Variants in CORIN observed in about 807,000 individuals in gnomAD.
CORIN encodes atrial natriuretic peptide-converting enzyme.
In CORIN, 117 loss-of-function variants were observed where a neutral mutation model predicts 125.3. That is an observed-to-expected ratio of 0.93 (90% CI 0.80 to 1.09). The LOEUF (loss-of-function observed/expected upper bound fraction) is 1.09. Among genes scored for constraint, CORIN ranks in the 50% least tolerant of loss-of-function variants. The pLI is 0.00. For missense variants in CORIN, 1,253 were observed against 1,306.7 expected, an observed-to-expected ratio of 0.96 and a Z score of 0.63; for synonymous variants, 450 against 466.4, an observed-to-expected ratio of 0.96 and a Z score of 0.45.
chr4:47,744,135 A>G (rs1364780642), intron 5 of CORIN, among the ~76,000 whole-genome samples: 2 of 152,200 alleles, frequency 1.3e-5, no homozygotes, highest in Admixed American at 6.5e-5. Flanking sequence ...TTCCATTTAT[A>G]TGAAGTTCAG....
At chr4:47,654,011 C>T (rs1723852506) in intron 12 of CORIN, among the ~76,000 whole-genome samples, 1 of 152,204 alleles carries the variant, frequency 6.6e-6, no homozygotes, top group Non-Finnish European at 1.5e-5. Flanking sequence ...TTTCACATCC[C>T]CATCTTTCCA....
At chr4:47,786,134 A>C (rs1730792664) in intron 3 of CORIN, among the ~76,000 whole-genome samples, 1 of 152,188 alleles carries the variant, frequency 6.6e-6, no homozygotes, top group South Asian at 2.1e-4. Context: ...TACTGGGGCA[A>C]GCAGCATAAA....
chr4:47,595,680 C>A lies in CORIN; in HGVS notation c.*41G>T. On this transcript the variant is annotated 3_prime_UTR_variant, in exon 22 of 22. Transcript: ENST00000273857. Reference sequence around the variant, plus strand: ...TCTTCACAGTCAAGAAGGCCATTTTCTTTTAGTGTAGCTGGCAAAAGTCTC... The same window carrying A: ...TCTTCACAGTCAAGAAGGCCATTTTATTTTAGTGTAGCTGGCAAAAGTCTC... The A allele has an allele frequency of 1.3e-6, 2 of 1,523,082 alleles. No individual in the cohort carries two copies. Among genetic ancestry groups the A allele is most frequent in the Non-Finnish European group, 1.8e-6 (2 of 1,127,892 alleles). The allele number at this position is 1,523,082 out of a possible 1,614,324, so 94.3% of individuals were successfully genotyped here. A position where few individuals can be genotyped will look rare whatever the true frequency, so the allele number is the denominator to read the frequency against.
intron 6 of CORIN, among the ~76,000 whole-genome samples, chr4:47,686,524 T>C (rs930714093): frequency 6.6e-6 from 1 of 152,174 alleles, no homozygotes; most frequent in South Asian, 2.1e-4. Flanking sequence ...CTACAACACA[T>C]GTGACAGCTG....
chr4:47,753,911 G>A (rs1239586749), intron 4 of CORIN, among the ~76,000 whole-genome samples: 2 of 152,124 alleles, frequency 1.3e-5, no homozygotes, highest in East Asian at 1.9e-4. Flanking sequence ...AGTATTATTT[G>A]GGAACTGATA....
At chr4:47,653,414 T>TC (rs1560490437) in intron 13 of CORIN, 139 bp downstream of exon 13, 1 of 695,242 alleles carries the variant, frequency 1.4e-6, no homozygotes, top group East Asian at 2.7e-5. Context: ...GCCATACTGT[T>TC]CAATAATTTA....
At position 47,806,562 on chromosome 4, in the gene CORIN, G is replaced by A. The variant is rs13112963; in HGVS notation, c.208+341C>T. ...GTCTATACACTTCTATCTTAAACAC[G>A]TGTTGCCTTGTGTGATAATCATCAC... On this transcript the variant is annotated intron_variant, in intron 2 of 21. Transcript: ENST00000273857. Among the ~76,000 whole-genome samples the A allele has an allele frequency of 9.3e-3, 1,409 of 152,132 alleles. 5 individuals carry two copies. The highest frequency in any genetic ancestry group is 0.015 in the Non-Finnish European group (1,006 of 68,010).
At chr4:47,721,830 A>T (rs1402350610) in intron 5 of CORIN, among the ~76,000 whole-genome samples, 1 of 152,198 alleles carries the variant, frequency 6.6e-6, no homozygotes, top group Non-Finnish European at 1.5e-5. Flanking sequence ...ATTATTAAAC[A>T]CTATTAGGAA....
intron 16 of CORIN, among the ~76,000 whole-genome samples, chr4:47,639,096 C>T (rs35448556): frequency 0.094 from 14,328 of 152,102 alleles, 912 homozygotes; most frequent in Admixed American, 0.18. Context: ...AAAATATACC[C>T]CCTGAAGTAG....
chr4:47,697,122 T>C (rs77883353), intron 5 of CORIN, among the ~76,000 whole-genome samples: 173 of 152,352 alleles, frequency 1.1e-3, no homozygotes, highest in African/African-American at 3.9e-3. Flanking sequence ...CCCTTACCTT[T>C]TACAAGGTTA....
At chr4:47,812,229 G>A (rs1732094623) in intron 1 of CORIN, among the ~76,000 whole-genome samples, 1 of 152,118 alleles carries the variant, frequency 6.6e-6, no homozygotes. Flanking sequence ...TGGGCACAAT[G>A]GCTCATACCT....
intron 1 of CORIN, among the ~76,000 whole-genome samples, chr4:47,820,874 T>C (rs1732479477): frequency 6.6e-6 from 1 of 152,218 alleles, no homozygotes; most frequent in Non-Finnish European, 1.5e-5. Flanking sequence ...TGCTATAGAT[T>C]GAGTCATACT....
chr4:47,670,145 G>A (rs1724683305), intron 10 of CORIN, among the ~76,000 whole-genome samples: 2 of 152,202 alleles, frequency 1.3e-5, no homozygotes, highest in African/African-American at 2.4e-5. Flanking sequence ...GAATCAACAA[G>A]AGTGGGCTGG....
At chr4:47,621,961 C>T (rs1416596286) in intron 19 of CORIN, among the ~76,000 whole-genome samples, 8 of 147,326 alleles carry the variant, frequency 5.4e-5, no homozygotes, top group Non-Finnish European at 9.0e-5. Context: ...AACTCGTCAT[C>T]TAACATTAGG....
intron 5 of CORIN, among the ~76,000 whole-genome samples, chr4:47,698,586 G>A (rs762442976): frequency 2.0e-5 from 3 of 151,950 alleles, no homozygotes; most frequent in African/African-American, 4.8e-5. Flanking sequence ...CATGGTTTTC[G>A]GTAAAGAGTG....
At chr4:47,748,377 AT>A (rs1239539059) in intron 4 of CORIN, among the ~76,000 whole-genome samples, 1 of 152,218 alleles carries the variant, frequency 6.6e-6, no homozygotes, top group African/African-American at 2.4e-5. Context: ...TCTAAAAACT[AT>A]TTTAGAAAGG....
intron 5 of CORIN, among the ~76,000 whole-genome samples, chr4:47,703,374 C>T (rs1314443542): frequency 6.6e-6 from 1 of 152,054 alleles, no homozygotes; most frequent in Non-Finnish European, 1.5e-5. Context: ...TGAACACTAC[C>T]ATAATTAAGA....
intron 6 of CORIN, among the ~76,000 whole-genome samples, chr4:47,691,859 G>A (rs1725785992): frequency 6.6e-6 from 1 of 152,104 alleles, no homozygotes; most frequent in Admixed American, 6.5e-5. Context: ...GCAGGACAAA[G>A]GAGCGTCCTA....
intron 7 of CORIN, chr4:47,680,525 G>A: frequency 6.5e-6 from 2 of 308,670 alleles, no homozygotes; most frequent in Non-Finnish European, 1.2e-5. Flanking sequence ...TATTGTTGTT[G>A]GCTTTTGTTT....
Sources: gnomAD v4.1 joint callset for allele counts (sites outside exome capture counted in the v4.1 genomes callset) on GRCh38, gnomAD v4.1.1 for gene constraint, MANE v1.5 for transcripts, NCBI Gene and HGNC (gene_info 2026-07-23, HGNC 2026-07-21) for gene names.